The following LGSN variants were observed in gnomAD, a reference collection of about 807,000 sequenced individuals.
LGSN encodes lengsin, lens protein with glutamine synthetase domain, also known as lengsin.
LGSN carries 21 observed loss-of-function variants against 19.5 expected under a neutral mutation model. The ratio of observed to expected loss-of-function variants is 1.07; its 90% CI spans 0.76 to 1.55. The LOEUF is 1.55. Among genes scored for constraint, LGSN ranks in the 40% most tolerant of loss-of-function variants. LGSN has a pLI of 0.00. For missense variants in LGSN, 673 were observed against 608.5 expected, an observed-to-expected ratio of 1.11 and a Z score of -1.12; for synonymous variants, 257 against 215.6, an observed-to-expected ratio of 1.19 and a Z score of -1.68.
At chr6:63,412,495 A>AGAGAGAAGAAAGAG in the LGSN span, among the ~76,000 whole-genome samples, 3 of 100,758 alleles carry the variant, frequency 3.0e-5, no homozygotes, top group African/African-American at 1.4e-4. Flanking sequence ...AGAAAGAAAG[A>AGAGAGAAGAAAGAG]AAGAAAGAAA....
chr6:63,537,522 G>A, the LGSN span, among the ~76,000 whole-genome samples: 5 of 152,196 alleles, frequency 3.3e-5, no homozygotes, highest in African/African-American at 1.2e-4. Context: ...TTGCCTTAGA[G>A]CGTACCTTTT....
At chr6:63,308,854 T>A (rs1768509073) in intron 1 of LGSN, among the ~76,000 whole-genome samples, 1 of 152,178 alleles carries the variant, frequency 6.6e-6, no homozygotes, top group Non-Finnish European at 1.5e-5. Context: ...TACCTTTAAG[T>A]GTGTTCTTCA....
Position 63,280,230 on chromosome 6 carries a change from G to A in LGSN, c.1321C>T (p.Pro441Ser). Reference sequence around the variant, plus strand: ...TGGTAAAAGTCTGTGCTCTCATCTGGACCAGCCAAGACCTCATTACTGCTA... The same window carrying A: ...TGGTAAAAGTCTGTGCTCTCATCTGAACCAGCCAAGACCTCATTACTGCTA... Reference protein sequence around the residue: ...LHSSNEVLAGPDESTDFYQVE... With the variant: ...LHSSNEVLAGSDESTDFYQVE... The change falls in exon 4 of 4, where the codon CCA (proline) becomes TCA (serine). Residue 441 changes from proline (P) to serine (S), a missense_variant. Transcript: ENST00000370657. 1 of 1,614,138 alleles carries A rather than the reference G, an allele frequency of 6.2e-7. No homozygotes were observed. Among genetic ancestry groups the A allele is most frequent in the Middle Eastern group, 1.6e-4 (1 of 6,062 alleles).
At chr6:63,425,113 G>A in the LGSN span, among the ~76,000 whole-genome samples, 14 of 152,150 alleles carry the variant, frequency 9.2e-5, no homozygotes, top group African/African-American at 2.9e-4. Context: ...ATGAAAAATG[G>A]TGACACTAAA....
At chr6:63,474,669 C>G in the LGSN span, among the ~76,000 whole-genome samples, 2 of 151,388 alleles carry the variant, frequency 1.3e-5, no homozygotes. Context: ...CGCCTGTAAT[C>G]CCAGCACTTT....
chr6:63,344,498 T>A, the LGSN span, among the ~76,000 whole-genome samples: 1 of 152,080 alleles, frequency 6.6e-6, no homozygotes, highest in East Asian at 1.9e-4. Flanking sequence ...ATCATGCAGT[T>A]CAAGAAACAA....
the LGSN span, among the ~76,000 whole-genome samples, chr6:63,498,838 C>T: frequency 1.6e-4 from 24 of 151,952 alleles, no homozygotes; most frequent in Admixed American, 1.2e-3. Flanking sequence ...TTGATTAACG[C>T]AGGGAAGACT....
At chr6:63,306,053 T>A (rs1768372782) in intron 1 of LGSN, among the ~76,000 whole-genome samples, 1 of 151,488 alleles carries the variant, frequency 6.6e-6, no homozygotes. Flanking sequence ...GGCAACAGAG[T>A]GAGACTCTGT....
chr6:63,421,726 CAAAAAAAGAAAGAA>C, the LGSN span, among the ~76,000 whole-genome samples: 3 of 146,476 alleles, frequency 2.0e-5, no homozygotes, highest in Admixed American at 1.4e-4. Flanking sequence ...GACTCCGTCT[CAAAAAAAGAAAGAA>C]AAAAAAAGAA....
At chr6:63,283,566 C>G (rs1767402386) in intron 3 of LGSN, among the ~76,000 whole-genome samples, 1 of 149,754 alleles carries the variant, frequency 6.7e-6, no homozygotes, top group African/African-American at 2.5e-5. Context: ...AGACTTAAAC[C>G]TTAAAACACC....
chr6:63,486,829 A>T, the LGSN span, among the ~76,000 whole-genome samples: 1 of 146,878 alleles, frequency 6.8e-6, no homozygotes, highest in Non-Finnish European at 1.5e-5. Flanking sequence ...TTTTATTATT[A>T]TTATTATTAT....
At chr6:63,550,538 C>T in the LGSN span, 1 of 152,192 alleles carries the variant, frequency 6.6e-6, no homozygotes, top group Non-Finnish European at 1.5e-5. Context: ...CCTGTAAGAG[C>T]TCCTCGAGCC....
chr6:63,419,738 A>G, the LGSN span, among the ~76,000 whole-genome samples: 4 of 151,304 alleles, frequency 2.6e-5, no homozygotes, highest in South Asian at 4.2e-4. Flanking sequence ...AAATACAAAA[A>G]TTAGCCGGCC....
the LGSN span, among the ~76,000 whole-genome samples, chr6:63,338,515 A>G: frequency 6.6e-6 from 1 of 152,018 alleles, no homozygotes; most frequent in African/African-American, 2.4e-5. Context: ...GTCTCTGATG[A>G]TCTTTTGTAT....
the LGSN span, among the ~76,000 whole-genome samples, chr6:63,400,687 T>C: frequency 1.3e-5 from 2 of 152,310 alleles, no homozygotes; most frequent in South Asian, 2.1e-4. Flanking sequence ...AAAATAAATA[T>C]TATGTACAAT....
At chr6:63,305,799 G>A (rs1768360478) in intron 1 of LGSN, among the ~76,000 whole-genome samples, 1 of 151,980 alleles carries the variant, frequency 6.6e-6, no homozygotes, top group African/African-American at 2.4e-5. Flanking sequence ...GGTGGCTCAC[G>A]CCTGTAATCC....
At position 63,280,197 on chromosome 6, in the gene LGSN, G is replaced by A. The variant is rs755201172; in HGVS notation, c.1354C>T (p.Pro452Ser). 108 of 1,614,052 alleles carry A rather than the reference G, an allele frequency of 6.7e-5. 1 individual carries two copies. Among genetic ancestry groups the A allele is most frequent in the South Asian group, 1.3e-4 (12 of 91,086 alleles). ...TCTAGTTTTAAAGGGATCTCAGAAGGTTCCACTTGGTAAAAGTCTGTGCTC... is the reference window on the plus strand; with the variant it reads ...TCTAGTTTTAAAGGGATCTCAGAAGATTCCACTTGGTAAAAGTCTGTGCTC... ...DESTDFYQVE[P>S]SEIPLKLEDA... The change falls in exon 4 of 4, where the codon CCT becomes TCT. Residue 452 changes from proline (P) to serine (S), a missense_variant. Physicochemically the swap from Pro to Ser is moderately conservative, Grantham distance 74. Transcript: ENST00000370657.
At chr6:63,324,614 C>T (rs1274308677), upstream of LGSN, among the ~76,000 whole-genome samples, 3 of 152,094 alleles carry the variant, frequency 2.0e-5, no homozygotes, top group Admixed American at 6.5e-5. Context: ...TCAAGAGGAA[C>T]TTTGGAAACT....
the LGSN span, among the ~76,000 whole-genome samples, chr6:63,405,071 T>C: frequency 4.1e-4 from 62 of 150,630 alleles, no homozygotes; most frequent in Non-Finnish European, 8.3e-4. Flanking sequence ...TTTTTTGTTC[T>C]TGCGATAGTT....
Sources: allele counts gnomAD v4.1 joint callset (sites outside exome capture counted in the v4.1 genomes callset), GRCh38; gene constraint gnomAD v4.1.1; transcripts MANE v1.5; gene names NCBI Gene and HGNC (gene_info 2026-07-23, HGNC 2026-07-21).